ITGA2B: variants seen among roughly 807,000 people sequenced by gnomAD.
ITGA2B encodes the protein integrin subunit alpha 2b, also known as integrin alpha-IIb.
In ITGA2B, 91 loss-of-function variants were observed where a neutral mutation model predicts 142.0. The ratio of observed to expected loss-of-function variants is 0.64; its 90% CI spans 0.54 to 0.76. The LOEUF is 0.76. ITGA2B is among the 30% of genes least tolerant of loss of function. The pLI is 0.00. For synonymous variants in ITGA2B, 536 were observed against 567.2 expected (o/e 0.94, Z 0.78); for missense variants, 1,231 against 1,350.8 (o/e 0.91, Z 1.39).
intron 29 of ITGA2B, 63 bp downstream of exon 29, chr17:44,374,291 T>A: frequency 6.9e-7 from 1 of 1,457,812 alleles, no homozygotes. Context: ...CTTGACTCCC[T>A]GTGAGGCAGG....
chr17:44,374,610 G>C (rs779628412), intron 28 of ITGA2B, 49 bp downstream of exon 28: 1 of 1,566,790 alleles, frequency 6.4e-7, no homozygotes, highest in South Asian at 1.1e-5. Context: ...CTGACTGGGG[G>C]ACAATGGGTC....
Position 44,375,866 on chromosome 17 carries a change from C to T in ITGA2B, c.2568G>A (p.Gln856=), listed in dbSNP as rs377412121. 1 of 1,598,172 alleles carries T rather than the reference C, an allele frequency of 6.3e-7. No homozygotes were observed. Among genetic ancestry groups the T allele is most frequent in the Non-Finnish European group, 8.5e-7 (1 of 1,172,654 alleles). Residue 856 remains glutamine (Q), a synonymous_variant, in exon 25 of 30, where the codon CAG becomes CAA. Transcript: ENST00000262407. ...GGTTGACAGGAGGCTGTGGGAAGCA[C>T]TGAAGGCCCCCCTGGGGCTGTATAT... ...ILDIQPQGGL[Q]CFPQPPVNPL... is the part of the protein sequence containing the mutation.
Position 44,380,159 on chromosome 17 carries a change from AG to A in ITGA2B, c.1601-7del. 2 of 1,613,674 alleles carry A rather than the reference AG, an allele frequency of 1.2e-6. No homozygotes were observed. Among genetic ancestry groups the A allele is most frequent in the South Asian group, 2.2e-5 (2 of 91,080 alleles). On this transcript the variant is annotated splice_region_variant and splice_polypyrimidine_tract_variant and intron_variant, in intron 16 of 29. Coordinates refer to ENST00000262407, the MANE Select transcript of ITGA2B (RefSeq NM_000419.5). ...CTGCAGCTCGGCATTTAGGGCTGGC[AG>A]GGCAAGCAGAAGAGTCAGGACCTCC...
chr17:44,389,615 C>G lies in ITGA2B; in HGVS notation c.-142G>C. Reference sequence around the variant, plus strand: ...AACGGGCAGAGCAAAGGGCTATAGCCCCTGGACTCATGGTGGCTAGAATTG... The same window carrying G: ...AACGGGCAGAGCAAAGGGCTATAGCGCCTGGACTCATGGTGGCTAGAATTG... On this transcript the variant is annotated 5_prime_UTR_variant, in exon 1 of 30. Transcript: ENST00000262407. 1 of 912,568 alleles carries G rather than the reference C, an allele frequency of 1.1e-6. No homozygotes were observed. The highest frequency in any genetic ancestry group is 1.7e-6 in the Non-Finnish European group (1 of 598,788). 56.5% of individuals were successfully genotyped at this position (912,568 alleles called of 1,614,324 possible). A position where few individuals can be genotyped will look rare whatever the true frequency, so the allele number is the denominator to read the frequency against.
rs2048633615 is a variant in ITGA2B at position 44,385,179 on chromosome 17, C to T, written c.655G>A (p.Gly219Ser). ...AGELVLGAPG[G>S]YYFLGLLAQA... ...GGGCACGTACCTAAGAAATAATAGC[C>T]GCCAGGAGCCCCAAGCACCAGCTCT... is the stretch of plus-strand genomic sequence containing the variant. Residue 219 changes from glycine (G) to serine (S), a missense_variant, in exon 6 of 30, where the codon GGC becomes AGC. Physicochemically the swap from Gly to Ser is moderately conservative, Grantham distance 56. Transcript: ENST00000262407. 7 of 1,613,858 alleles carry T rather than the reference C, an allele frequency of 4.3e-6. No individual in the cohort carries two copies. Among genetic ancestry groups the T allele is most frequent in the Non-Finnish European group, 5.9e-6 (7 of 1,180,012 alleles).
rs1431750406 is a variant in ITGA2B, at chr17:44,380,606, A to T, written c.1433T>A (p.Val478Glu). The T allele has an allele frequency of 6.2e-7, 1 of 1,614,194 alleles. No individual in the cohort carries two copies. The highest frequency in any genetic ancestry group is 1.7e-5 in the Admixed American group (1 of 60,020). ...CCCTGGAGCCAGTGCTCACCTGTAC[A>T]CAGCCACCTGGTTGGCCCCGTAAGC... ...VGAYGANQVA[V>E]YRAQPVVKAS... Residue 478 changes from valine (V) to glutamate (E), a missense_variant, in exon 14 of 30, where the codon GTG (valine) becomes GAG (glutamate). This residue lies in a region of ITGA2B where 908 missense variants were observed against 1,021.1 expected (regional missense o/e 0.89). Coordinates refer to ENST00000262407, the MANE Select transcript of ITGA2B (RefSeq NM_000419.5).
intron 12 of ITGA2B, among the ~76,000 whole-genome samples, chr17:44,382,946 G>A (rs953645809): frequency 6.6e-6 from 1 of 152,074 alleles, no homozygotes; most frequent in Non-Finnish European, 1.5e-5. Flanking sequence ...CACAGGTCCC[G>A]GGACCTCATC....
At chr17:44,387,852 A>AG (rs1351392432) in intron 1 of ITGA2B, among the ~76,000 whole-genome samples, 5 of 149,980 alleles carry the variant, frequency 3.3e-5, no homozygotes, top group African/African-American at 9.8e-5. Flanking sequence ...AAAAAAAAAA[A>AG]AAGAAGAAGA....
At chr17:44,377,204 T>C (rs1424854891) in intron 21 of ITGA2B, 116 bp from the exon 22 acceptor site, 7 of 838,270 alleles carry the variant, frequency 8.4e-6, no homozygotes, top group African/African-American at 1.7e-5. Context: ...TTTTCTTTTT[T>C]TTTTTTTCCG....
In ITGA2B at chr17:44,384,076, G is replaced by A. The variant is rs776521459; in HGVS notation, c.945+9C>T. 2 of 1,613,714 alleles carry A rather than the reference G, an allele frequency of 1.2e-6. No homozygotes were observed. Among genetic ancestry groups the A allele is most frequent in the East Asian group, 4.5e-5 (2 of 44,880 alleles). ...CACCCAGCCACGCCCACTGGGACCT[G>A]GCCCCCACCTGCTCTCCGCGCAGCC... On this transcript the variant is annotated intron_variant, in intron 10 of 29. Transcript: ENST00000262407.
Position 44,375,918 on chromosome 17 carries a change from T to C in ITGA2B, c.2516A>G (p.Gln839Arg). The change falls in exon 25 of 30, where the codon CAG (glutamine) becomes CGG (arginine). Residue 839 changes from glutamine to arginine, a missense_variant. By Grantham distance (43) the Gln-to-Arg change is conservative. This residue lies in a region of ITGA2B where 908 missense variants were observed against 1,021.1 expected (regional missense o/e 0.89). Coordinates refer to ENST00000262407, the MANE Select transcript of ITGA2B (RefSeq NM_000419.5). ...CAGGATGTAGAGCAGGTCGGAGGGC[T>C]GGGACTGTCCCGGAAGGTGGATGCT... is the stretch of plus-strand genomic sequence containing the variant. ...HLSIHLPGQSQPSDLLYILDI... is the reference protein window; with the variant it reads ...HLSIHLPGQSRPSDLLYILDI... 4 of 1,613,660 alleles carry C rather than the reference T, an allele frequency of 2.5e-6. No homozygotes were observed. Among genetic ancestry groups the C allele is most frequent in the Non-Finnish European group, 3.4e-6 (4 of 1,179,910 alleles).
intron 22 of ITGA2B, among the ~76,000 whole-genome samples, 198 bp from the exon 23 acceptor site, chr17:44,376,586 G>C (rs1567899294): frequency 6.6e-6 from 1 of 152,068 alleles, no homozygotes; most frequent in Non-Finnish European, 1.5e-5. Context: ...AAGGGAACCA[G>C]GCTTCTTCAA....
intron 26 of ITGA2B, 95 bp from the exon 27 acceptor site, chr17:44,375,206 G>A (rs1567898064): frequency 2.9e-6 from 3 of 1,042,072 alleles, no homozygotes; most frequent in Non-Finnish European, 4.3e-6. Context: ...AGAAGGGGCC[G>A]GGGGTTCAGG....
intron 18 of ITGA2B, among the ~76,000 whole-genome samples, chr17:44,379,148 G>T (rs762423831): frequency 2.6e-5 from 4 of 151,016 alleles, no homozygotes; most frequent in Admixed American, 6.6e-5. Flanking sequence ...AGTAGACGGG[G>T]TTTCACTGTG....
At chr17:44,384,658 A>C in intron 7 of ITGA2B, 73 bp from the exon 8 acceptor site, 2 of 1,542,632 alleles carry the variant, frequency 1.3e-6, no homozygotes, top group Non-Finnish European at 1.8e-6. Flanking sequence ...AAGAAGGAGG[A>C]GATTAAGGCC....
chr17:44,386,756 A>G (rs1016082333), intron 1 of ITGA2B, among the ~76,000 whole-genome samples: 1 of 152,274 alleles, frequency 6.6e-6, no homozygotes, highest in Non-Finnish European at 1.5e-5. Flanking sequence ...AGCCAAATAC[A>G]TAACAAACGC....
At chr17:44,376,534 C>A (rs1016658438) in intron 22 of ITGA2B, 146 bp from the exon 23 acceptor site, 4 of 727,448 alleles carry the variant, frequency 5.5e-6, no homozygotes, top group Non-Finnish European at 7.3e-6. Flanking sequence ...GAAAGAACTT[C>A]CTCTAGGGCT....
chr17:44,381,939 A>T (rs902243543), intron 12 of ITGA2B, among the ~76,000 whole-genome samples: 1 of 151,782 alleles, frequency 6.6e-6, no homozygotes, highest in Non-Finnish European at 1.5e-5. Flanking sequence ...TCTAGCATCT[A>T]TTTCTAGCCT....
chr17:44,375,758 A>G, intron 25 of ITGA2B, 42 bp from the exon 26 acceptor site: 1 of 1,557,142 alleles, frequency 6.4e-7, no homozygotes, highest in Non-Finnish European at 8.7e-7. Flanking sequence ...TCTCCCCCGA[A>G]CCCCAGCCCA....
Sources: gnomAD v4.1 joint callset for allele counts (sites outside exome capture counted in the v4.1 genomes callset) on GRCh38, gnomAD v4.1.1 for gene constraint, gnomAD v4.1.1 regional missense constraint, MANE v1.5 for transcripts, NCBI Gene and HGNC (gene_info 2026-07-23, HGNC 2026-07-21) for gene names.